ARMC2: variants seen among roughly 807,000 people sequenced by gnomAD.
ARMC2 encodes armadillo repeat containing 2, also known as armadillo repeat-containing protein 2.
Under a neutral mutation model 90.3 loss-of-function variants are expected in ARMC2, and 67 were observed. That is an observed-to-expected ratio of 0.74 (90% CI 0.61 to 0.91). The LOEUF (loss-of-function observed/expected upper bound fraction) is 0.91, where lower values mean the gene tolerates loss of function less well. ARMC2 is among the 40% of genes least tolerant of loss of function. ARMC2 has a pLI of 0.00. For synonymous variants in ARMC2, 393 were observed against 393.0 expected, an observed-to-expected ratio of 1.00 and a Z score of 0.00; for missense variants, 920 against 1,030.9, an observed-to-expected ratio of 0.89 and a Z score of 1.47.
chr6:108,870,529 AAGGAAGGT>A (rs1281818331), intron 4 of ARMC2, among the ~76,000 whole-genome samples: 1 of 151,258 alleles, frequency 6.6e-6, no homozygotes, highest in Non-Finnish European at 1.5e-5. Flanking sequence ...CAGAAAGAGA[AAGGAAGGT>A]AGGAAGGAAG....
At chr6:109,036,501 T>C in the ARMC2 span, among the ~76,000 whole-genome samples, 1 of 152,194 alleles carries the variant, frequency 6.6e-6, no homozygotes, top group Non-Finnish European at 1.5e-5. Context: ...TTTCTGATGC[T>C]GGGATCTAGT....
chr6:108,938,599 CTTTTTTTT>C (rs4027582), intron 12 of ARMC2, among the ~76,000 whole-genome samples: 1 of 83,114 alleles, frequency 1.2e-5, no homozygotes, highest in Non-Finnish European at 2.2e-5. Context: ...CCATTACTAC[CTTTTTTTT>C]TTTTTTTTTT....
chr6:108,988,456 A>G, the ARMC2 span: 34 of 1,224,808 alleles, frequency 2.8e-5, no homozygotes, highest in South Asian at 5.8e-4. Flanking sequence ...GGGGTGATGG[A>G]AAGGGTTTCA....
intron 7 of ARMC2, among the ~76,000 whole-genome samples, chr6:108,900,562 G>A (rs1042306546): frequency 1.3e-5 from 2 of 152,198 alleles, no homozygotes; most frequent in African/African-American, 4.8e-5. Context: ...GCCACAGGAA[G>A]ATGCTCTAAG....
At chr6:108,952,905 G>A (rs889136303) in intron 12 of ARMC2, 128 bp from the exon 13 acceptor site, 1 of 903,630 alleles carries the variant, frequency 1.1e-6, no homozygotes, top group African/African-American at 1.7e-5. Flanking sequence ...TACTGTACAA[G>A]TGAGCCGAAG....
At chr6:108,987,464 G>T in the ARMC2 span, 1 of 665,122 alleles carries the variant, frequency 1.5e-6, no homozygotes, top group Non-Finnish European at 2.6e-6. Flanking sequence ...GTCTACCATT[G>T]GTCCTGGGGC....
intron 11 of ARMC2, among the ~76,000 whole-genome samples, chr6:108,936,246 TTTTGTTTGTTTG>T (rs540518859): frequency 6.6e-6 from 1 of 151,870 alleles, no homozygotes; most frequent in African/African-American, 2.4e-5. Flanking sequence ...TGTATAGGTT[TTTTGTTTGTTTG>T]TTTGTTTGTT....
chr6:108,913,878 T>G (rs531004006), intron 10 of ARMC2, among the ~76,000 whole-genome samples: 1 of 152,248 alleles, frequency 6.6e-6, no homozygotes, highest in Non-Finnish European at 1.5e-5. Flanking sequence ...AAATGGAATA[T>G]TCTATGCCCT....
the ARMC2 span, among the ~76,000 whole-genome samples, chr6:109,013,883 C>A: frequency 6.6e-6 from 1 of 152,164 alleles, no homozygotes; most frequent in Non-Finnish European, 1.5e-5. Flanking sequence ...CAGCTCATAT[C>A]TTCCTGTTTT....
the ARMC2 span, among the ~76,000 whole-genome samples, chr6:108,992,319 T>C: frequency 6.6e-6 from 1 of 152,144 alleles, no homozygotes; most frequent in Non-Finnish European, 1.5e-5. Context: ...TTTCCCCTTG[T>C]TGGCCAGGCT....
chr6:108,886,875 A>G (rs1178241103), intron 5 of ARMC2, among the ~76,000 whole-genome samples: 1 of 135,694 alleles, frequency 7.4e-6, no homozygotes, highest in Non-Finnish European at 1.7e-5. Flanking sequence ...CAAAGTCTGA[A>G]TTTTATAGTT....
At chr6:108,863,699 C>T (rs1370146134) in intron 3 of ARMC2, among the ~76,000 whole-genome samples, 8 of 152,102 alleles carry the variant, frequency 5.3e-5, no homozygotes, top group Admixed American at 6.5e-5. Flanking sequence ...CTAAACTTAC[C>T]GAGTCCAGTG....
chr6:108,992,334 G>A, the ARMC2 span, among the ~76,000 whole-genome samples: 2 of 151,838 alleles, frequency 1.3e-5, no homozygotes, highest in African/African-American at 2.4e-5. Context: ...CAGGCTGGTC[G>A]TGGAATGCCT....
At chr6:109,051,440 T>A in the ARMC2 span, among the ~76,000 whole-genome samples, 1 of 152,192 alleles carries the variant, frequency 6.6e-6, no homozygotes, top group Non-Finnish European at 1.5e-5. Flanking sequence ...TAATACTATA[T>A]GAATGGACTC....
chr6:109,000,418 A>G, the ARMC2 span: 1 of 1,210,110 alleles, frequency 8.3e-7, no homozygotes. Context: ...TTTCTGTGCG[A>G]TTTTTCTGTA....
At chr6:109,006,425 T>A in the ARMC2 span, among the ~76,000 whole-genome samples, 1 of 151,612 alleles carries the variant, frequency 6.6e-6, no homozygotes. Context: ...ATTAGGTATA[T>A]CTCCTAATGC....
downstream of ARMC2, among the ~76,000 whole-genome samples, chr6:108,978,694 C>T (rs1164307306): frequency 6.6e-6 from 1 of 152,056 alleles, no homozygotes; most frequent in Non-Finnish European, 1.5e-5. Context: ...TTGATGCGTA[C>T]ATATTTAGGA....
the ARMC2 span, among the ~76,000 whole-genome samples, chr6:108,992,007 T>TA: frequency 2.0e-5 from 3 of 152,188 alleles, no homozygotes; most frequent in Admixed American, 6.5e-5. Context: ...TGTCCCTCCA[T>TA]AAAAAATTTC....
chr6:108,871,748 C>T (rs1459309246), intron 4 of ARMC2, among the ~76,000 whole-genome samples: 1 of 152,158 alleles, frequency 6.6e-6, no homozygotes, highest in Non-Finnish European at 1.5e-5. Context: ...GGGTACCTGC[C>T]TGTTGTCTGC....
Sources: gnomAD v4.1 joint callset for allele counts (sites outside exome capture counted in the v4.1 genomes callset) on GRCh38, gnomAD v4.1.1 for gene constraint, MANE v1.5 for transcripts, NCBI Gene and HGNC (gene_info 2026-07-23, HGNC 2026-07-21) for gene names.